Variants in CADM2 observed in about 807,000 individuals in gnomAD.
CADM2 encodes immunoglobulin superfamily member 4D.
A neutral mutation model predicts 49.8 loss-of-function variants in CADM2; 12 were observed. That is an observed-to-expected ratio of 0.24 (90% CI 0.15 to 0.39). The LOEUF is 0.39. Ranked by LOEUF, CADM2 falls within the 10% of genes least tolerant of loss-of-function variation. The pLI is 1.00. For synonymous variants in CADM2, 214 were observed against 175.4 expected (o/e 1.22, Z -1.74); for missense variants, 378 against 492.3 (o/e 0.77, Z 2.20).
At chr3:85,451,422 T>C (rs1320314179) in intron 1 of CADM2, among the ~76,000 whole-genome samples, 1 of 152,152 alleles carries the variant, frequency 6.6e-6, no homozygotes, top group Non-Finnish European at 1.5e-5. Context: ...TTTCTATTTT[T>C]ATGACTGCTT....
chr3:85,951,230 G>A (rs1483956259), intron 7 of CADM2, among the ~76,000 whole-genome samples: 2 of 150,990 alleles, frequency 1.3e-5, no homozygotes, highest in Non-Finnish European at 3.0e-5. Context: ...AAGAGTAGAG[G>A]CCAATGAGAA....
intron 8 of CADM2, among the ~76,000 whole-genome samples, chr3:86,009,704 T>G (rs73134188): frequency 0.06 from 9,046 of 151,844 alleles, 452 homozygotes; most frequent in Non-Finnish European, 0.083. Context: ...TTTTTTATGG[T>G]CACATTAGGA....
At chr3:85,900,473 T>C (rs942395549) in intron 5 of CADM2, among the ~76,000 whole-genome samples, 2 of 152,196 alleles carry the variant, frequency 1.3e-5, no homozygotes, top group Non-Finnish European at 2.9e-5. Context: ...TGAATTCTTA[T>C]ACATTGTTGG....
intron 1 of CADM2, among the ~76,000 whole-genome samples, chr3:85,371,694 T>A (rs1034974683): frequency 7.0e-6 from 1 of 142,050 alleles, no homozygotes; most frequent in Non-Finnish European, 1.5e-5. Flanking sequence ...TATATATATA[T>A]ATATATATAT....
chr3:85,638,357 T>G (rs1044857464), intron 1 of CADM2, among the ~76,000 whole-genome samples: 1 of 152,154 alleles, frequency 6.6e-6, no homozygotes, highest in Non-Finnish European at 1.5e-5. Context: ...TTTCCTAAAT[T>G]CTTCTCTCAA....
chr3:85,472,172 C>G (rs2107611153), intron 1 of CADM2, among the ~76,000 whole-genome samples: 1 of 151,966 alleles, frequency 6.6e-6, no homozygotes, highest in Admixed American at 6.6e-5. Flanking sequence ...TGCTACTTCT[C>G]AAAAATTCTT....
intron 8 of CADM2, among the ~76,000 whole-genome samples, chr3:86,042,779 A>T (rs1736122715): frequency 6.6e-6 from 1 of 152,162 alleles, no homozygotes; most frequent in Admixed American, 6.5e-5. Flanking sequence ...ACAACAAAAA[A>T]TGACTATTTT....
intron 1 of CADM2, among the ~76,000 whole-genome samples, chr3:85,182,466 G>A (rs1041349976): frequency 6.6e-6 from 1 of 151,898 alleles, no homozygotes; most frequent in Admixed American, 6.6e-5. Flanking sequence ...ATTCTTGATC[G>A]TGAGAAACAT....
chr3:85,188,783 G>A (rs914187857), intron 1 of CADM2, among the ~76,000 whole-genome samples: 12 of 151,976 alleles, frequency 7.9e-5, no homozygotes, highest in Non-Finnish European at 1.8e-4. Flanking sequence ...TGTAATCCCA[G>A]CACTTTGGGA....
chr3:85,657,843 C>T (rs2107600927), intron 1 of CADM2, among the ~76,000 whole-genome samples: 1 of 149,716 alleles, frequency 6.7e-6, no homozygotes, highest in Non-Finnish European at 1.5e-5. Context: ...ATCTCTAGTA[C>T]CTCAGAAAGT....
intron 1 of CADM2, among the ~76,000 whole-genome samples, chr3:85,523,104 A>C (rs1037936606): frequency 6.6e-6 from 1 of 152,144 alleles, no homozygotes; most frequent in Non-Finnish European, 1.5e-5. Flanking sequence ...TATTGCCTAC[A>C]AGCTGTAAGC....
intron 2 of CADM2, among the ~76,000 whole-genome samples, chr3:85,755,541 A>G (rs2069073734): frequency 6.6e-6 from 1 of 152,122 alleles, no homozygotes; most frequent in Non-Finnish European, 1.5e-5. Context: ...GCACTACTAT[A>G]AAGATTTGGC....
intron 2 of CADM2, among the ~76,000 whole-genome samples, chr3:85,749,427 C>A (rs916239003): frequency 3.6e-4 from 55 of 152,008 alleles, no homozygotes; most frequent in African/African-American, 1.3e-3. Flanking sequence ...CACAGCATAA[C>A]CCATTTTTTC....
chr3:85,220,629 G>A (rs1188889867), intron 1 of CADM2, among the ~76,000 whole-genome samples: 3 of 151,976 alleles, frequency 2.0e-5, no homozygotes, highest in Admixed American at 1.3e-4. Flanking sequence ...ATCTCCTCAG[G>A]TAAAATCATA....
At chr3:85,573,588 C>G (rs1325119424) in intron 1 of CADM2, among the ~76,000 whole-genome samples, 1 of 152,252 alleles carries the variant, frequency 6.6e-6, no homozygotes, top group Non-Finnish European at 1.5e-5. Context: ...ATTAAAACCT[C>G]TTGGAATTCT....
intron 1 of CADM2, among the ~76,000 whole-genome samples, chr3:85,439,013 T>C (rs1371046513): frequency 1.3e-5 from 2 of 151,134 alleles, no homozygotes; most frequent in Non-Finnish European, 3.0e-5. Context: ...ATAAATATGA[T>C]TGCATTTTAA....
At chr3:85,543,420 A>ATGTGTGTGGGGGTGTGTGTGTGTGTGTG (rs372108050) in intron 1 of CADM2, among the ~76,000 whole-genome samples, 1,693 of 129,580 alleles carry the variant, frequency 0.013, 47 homozygotes, top group East Asian at 0.051. Flanking sequence ...TGCCAAGCTA[A>ATGTGTGTGGGGGTGTGTGTGTGTGTGTG]TGTGTGTGTG....
intron 2 of CADM2, among the ~76,000 whole-genome samples, chr3:85,729,883 T>C (rs183825170): frequency 1.4e-4 from 22 of 152,332 alleles, no homozygotes; most frequent in African/African-American, 5.3e-4. Context: ...GTTAAGCTTT[T>C]GTCTGATATT....
At position 85,752,928 on chromosome 3, in the gene CADM2, C is replaced by T. The variant is rs529331466; in HGVS notation, c.88+26380C>T. The stretch of plus-strand genomic sequence containing the variant: ...AAAGCAGAGGCTGGAAAACAAAGCA[C>T]CTTAAAAAATACTAAGGAGGCTTCC... On this transcript the variant is annotated intron_variant, in intron 2 of 9. Coordinates refer to ENST00000383699, the MANE Select transcript of CADM2 (RefSeq NM_001167675.2). Among the ~76,000 whole-genome samples the T allele has an allele frequency of 1.7e-4, 26 of 152,124 alleles. No homozygotes were observed. In the South Asian group the frequency reaches 5.2e-3, roughly 30 times the overall value.
Sources: allele counts gnomAD v4.1 joint callset (sites outside exome capture counted in the v4.1 genomes callset), GRCh38; gene constraint gnomAD v4.1.1; transcripts MANE v1.5; gene names NCBI Gene and HGNC (gene_info 2026-07-23, HGNC 2026-07-21).